The following MACROD2 variants were observed in gnomAD, a reference collection of about 807,000 sequenced individuals.
MACROD2 encodes the protein ADP-ribose glycohydrolase MACROD2.
Under a neutral mutation model 70.4 loss-of-function variants are expected in MACROD2, and 36 were observed. The ratio of observed to expected loss-of-function variants is 0.51; its 90% CI spans 0.39 to 0.68. The LOEUF (loss-of-function observed/expected upper bound fraction) is 0.68, where lower values mean the gene tolerates loss of function less well. Among genes scored for constraint, MACROD2 ranks in the 30% least tolerant of loss-of-function variants. The probability of loss-of-function intolerance (pLI) is 0.00; values close to 1 mark genes in which losing one functional copy is unlikely to be tolerated. For missense variants in MACROD2, 496 were observed against 538.4 expected (o/e 0.92, Z 0.78); for synonymous variants, 172 against 178.8 (o/e 0.96, Z 0.30).
At chr20:14,875,695 G>C (rs928173939) in intron 5 of MACROD2, among the ~76,000 whole-genome samples, 13 of 151,864 alleles carry the variant, frequency 8.6e-5, no homozygotes, top group Non-Finnish European at 1.6e-4. Context: ...GTCCATGTGT[G>C]CCCAGTGTTT....
chr20:15,360,492 A>G (rs2078339563), intron 6 of MACROD2, among the ~76,000 whole-genome samples: 1 of 152,144 alleles, frequency 6.6e-6, no homozygotes, highest in African/African-American at 2.4e-5. Context: ...ATATTATACT[A>G]TACTTAAAAT....
intron 4 of MACROD2, among the ~76,000 whole-genome samples, chr20:14,524,203 G>T (rs1342223984): frequency 6.6e-6 from 1 of 152,160 alleles, no homozygotes; most frequent in Non-Finnish European, 1.5e-5. Context: ...CAGAAATCTT[G>T]CATTGGAAAA....
chr20:14,141,871 A>G (rs2054880353), intron 3 of MACROD2, among the ~76,000 whole-genome samples: 1 of 152,092 alleles, frequency 6.6e-6, no homozygotes, highest in African/African-American at 2.4e-5. Context: ...AGCTTAAAAA[A>G]TTATATGTCT....
chr20:14,961,648 CT>C (rs1299815776), intron 5 of MACROD2, among the ~76,000 whole-genome samples: 9 of 152,152 alleles, frequency 5.9e-5, no homozygotes, highest in Non-Finnish European at 1.3e-4. Flanking sequence ...CCCACGGCCC[CT>C]CAACTCCCCA....
chr20:15,700,617 C>T (rs1484346066), intron 8 of MACROD2, among the ~76,000 whole-genome samples: 1 of 152,174 alleles, frequency 6.6e-6, no homozygotes, highest in Non-Finnish European at 1.5e-5. Flanking sequence ...TCAGCATTTA[C>T]ATGTAGCTTG....
intron 2 of MACROD2, among the ~76,000 whole-genome samples, chr20:14,038,314 T>G (rs1174789655): frequency 1.3e-5 from 2 of 151,882 alleles, no homozygotes; most frequent in African/African-American, 4.8e-5. Flanking sequence ...AAAAAGATTC[T>G]GTGTATTAGA....
chr20:15,805,529 T>G (rs1014824398), intron 8 of MACROD2, among the ~76,000 whole-genome samples: 1 of 151,060 alleles, frequency 6.6e-6, no homozygotes, highest in African/African-American at 2.4e-5. Flanking sequence ...CAGGCTGGAG[T>G]GCAATGGCAC....
At chr20:15,297,445 A>G (rs1222964677) in intron 6 of MACROD2, among the ~76,000 whole-genome samples, 1 of 152,198 alleles carries the variant, frequency 6.6e-6, no homozygotes, top group Non-Finnish European at 1.5e-5. Flanking sequence ...ACAAAAATCA[A>G]TAGAGAATTT....
At chr20:15,539,303 G>A (rs2047922043) in intron 8 of MACROD2, among the ~76,000 whole-genome samples, 2 of 152,224 alleles carry the variant, frequency 1.3e-5, no homozygotes, top group African/African-American at 2.4e-5. Context: ...ACAAGAAGGA[G>A]CATGTGGGGC....
chr20:14,822,086 T>C (rs1403513599), intron 5 of MACROD2, among the ~76,000 whole-genome samples: 1 of 152,134 alleles, frequency 6.6e-6, no homozygotes, highest in Non-Finnish European at 1.5e-5. Flanking sequence ...AAAATATATC[T>C]TGAAGGCATG....
intron 5 of MACROD2, among the ~76,000 whole-genome samples, chr20:14,769,757 C>G (rs1481356336): frequency 6.6e-6 from 1 of 152,046 alleles, no homozygotes; most frequent in Non-Finnish European, 1.5e-5. Context: ...CAAGACATAG[C>G]ACAAATATTG....
chr20:14,079,800 C>T (rs1193208687), intron 2 of MACROD2, among the ~76,000 whole-genome samples: 1 of 152,144 alleles, frequency 6.6e-6, no homozygotes, highest in East Asian at 1.9e-4. Context: ...CTTACAAAGT[C>T]CTCTTGGGAA....
intron 4 of MACROD2, among the ~76,000 whole-genome samples, chr20:14,617,545 T>A (rs1983552768): frequency 6.6e-6 from 1 of 152,150 alleles, no homozygotes; most frequent in Admixed American, 6.6e-5. Context: ...CTGCAAGAAA[T>A]GTTCTTTTAT....
chr20:14,274,817 A>G (rs1439163631), intron 3 of MACROD2, among the ~76,000 whole-genome samples: 2 of 151,316 alleles, frequency 1.3e-5, no homozygotes, highest in East Asian at 1.9e-4. Context: ...TACAAAATCA[A>G]TGTACAAAAA....
chr20:15,900,380 C>T (rs1329535620), intron 10 of MACROD2, among the ~76,000 whole-genome samples: 2 of 152,108 alleles, frequency 1.3e-5, no homozygotes, highest in Non-Finnish European at 2.9e-5. Context: ...GCCTATACCA[C>T]CATTTTGCTT....
chr20:15,545,354 C>T (rs1303857129), intron 8 of MACROD2, among the ~76,000 whole-genome samples: 1 of 152,150 alleles, frequency 6.6e-6, no homozygotes, highest in African/African-American at 2.4e-5. Flanking sequence ...TCTTGATCAT[C>T]GGTTGTAATC....
chr20:14,784,060 A>G (rs1198005302), intron 5 of MACROD2, among the ~76,000 whole-genome samples: 1 of 151,946 alleles, frequency 6.6e-6, no homozygotes, highest in Non-Finnish European at 1.5e-5. Context: ...AGGCAGGGGG[A>G]TGTGGGTGAT....
At chr20:15,429,309 G>A (rs187034586) in intron 6 of MACROD2, among the ~76,000 whole-genome samples, 113 of 152,228 alleles carry the variant, frequency 7.4e-4, no homozygotes, top group Non-Finnish European at 1.3e-3. Context: ...CTCAAGAACC[G>A]TCAGAATCAA....
chr20:14,309,036 A>C (rs771137547), intron 3 of MACROD2, among the ~76,000 whole-genome samples: 96 of 152,176 alleles, frequency 6.3e-4, no homozygotes, highest in Admixed American at 3.1e-3. Flanking sequence ...CCAGATTAAC[A>C]GGAGTTCTTC....
Sources: allele counts gnomAD v4.1 joint callset (sites outside exome capture counted in the v4.1 genomes callset), GRCh38; gene constraint gnomAD v4.1.1; transcripts MANE v1.5; gene names NCBI Gene and HGNC (gene_info 2026-07-23, HGNC 2026-07-21).